Variants in SNX10 observed in about 807,000 individuals in gnomAD.
The protein encoded by SNX10 is sorting nexin 10.
A neutral mutation model predicts 28.5 loss-of-function variants in SNX10; 25 were observed. The observed-to-expected ratio is 0.88, with a 90% CI of 0.64 to 1.22. The LOEUF (loss-of-function observed/expected upper bound fraction) is 1.22, where lower values mean the gene tolerates loss of function less well. SNX10 is among the 50% of genes most tolerant of loss of function. The probability of loss-of-function intolerance (pLI) is 0.00; values close to 1 mark genes in which losing one functional copy is unlikely to be tolerated. For synonymous variants in SNX10, 62 were observed against 81.4 expected (o/e 0.76, Z 1.28); for missense variants, 223 against 242.6 (o/e 0.92, Z 0.54).
intron 1 of SNX10, among the ~76,000 whole-genome samples, chr7:26,305,395 G>A (rs953506933): frequency 6.6e-6 from 1 of 152,222 alleles, no homozygotes; most frequent in African/African-American, 2.4e-5. Context: ...CTATCACACT[G>A]TAATTATCTT....
At chr7:26,296,651 T>C (rs1296826484) in intron 1 of SNX10, among the ~76,000 whole-genome samples, 17 of 152,196 alleles carry the variant, frequency 1.1e-4, no homozygotes, top group Admixed American at 1.1e-3. Context: ...GAAAATAGAT[T>C]TGTACTTGTA....
intron 1 of SNX10, among the ~76,000 whole-genome samples, chr7:26,330,193 C>A (rs1168927445): frequency 6.9e-6 from 1 of 143,912 alleles, no homozygotes; most frequent in African/African-American, 2.5e-5. Flanking sequence ...TACTCATGAT[C>A]AAGGCCCTCC....
chr7:26,310,414 A>G (rs945013093), intron 1 of SNX10, among the ~76,000 whole-genome samples: 3 of 152,238 alleles, frequency 2.0e-5, no homozygotes, highest in Non-Finnish European at 2.9e-5. Context: ...TTCAGAGGAC[A>G]TATAATCCTC....
intron 2 of SNX10, among the ~76,000 whole-genome samples, chr7:26,358,177 TTGAG>T (rs1159077584): frequency 1.3e-5 from 2 of 151,674 alleles, no homozygotes; most frequent in Non-Finnish European, 2.9e-5. Flanking sequence ...GCAATGAATT[TTGAG>T]TGTGCATTTA....
chr7:26,360,333 G>C (rs935607111), intron 2 of SNX10: 1 of 152,440 alleles, frequency 6.6e-6, no homozygotes, highest in African/African-American at 2.4e-5. Flanking sequence ...GCTCACTGTA[G>C]CCTTGACCTC....
intron 3 of SNX10, among the ~76,000 whole-genome samples, chr7:26,362,445 T>TC (rs1218030646): frequency 6.6e-6 from 1 of 152,198 alleles, no homozygotes; most frequent in Admixed American, 6.5e-5. Context: ...TTCAGAAATC[T>TC]CCATCTGGAG....
chr7:26,324,261 G>A lies in SNX10; in HGVS notation c.-23-22159G>A, dbSNP rs183045558. ...TTATGATTATATCAATTAAAAAAAT[G>A]TGTGTGAGAAAAAAACCGTAAGGAA... On this transcript the variant is annotated intron_variant, in intron 1 of 6. Coordinates refer to ENST00000338523, the MANE Select transcript of SNX10 (RefSeq NM_013322.3). Among the ~76,000 whole-genome samples the A allele has an allele frequency of 3.5e-3, 477 of 135,774 alleles. 3 individuals carry two copies. Among genetic ancestry groups the A allele is most frequent in the Middle Eastern group, 0.012 (3 of 246 alleles). The allele number at this position is 135,774 out of a possible 152,430, so 89.1% of individuals were successfully genotyped here.
At position 26,368,532 on chromosome 7, in the gene SNX10, T is replaced by G. The variant is rs558506494; in HGVS notation, c.312-3289T>G. 4.6e-5 allele frequency among the ~76,000 whole-genome samples: 7 copies of G among 152,360 alleles called. No individual in the cohort carries two copies. In the East Asian group the frequency reaches 1.3e-3, roughly 29 times the overall value. On this transcript the variant is annotated intron_variant, in intron 5 of 6. Transcript: ENST00000338523. ...TTTTCAATTTAGGTTTGAATAGATT[T>G]GTTCATGACTGGGAGCCGCTTCCCT...
chr7:26,318,597 A>G (rs1787184549), intron 1 of SNX10, among the ~76,000 whole-genome samples: 1 of 152,078 alleles, frequency 6.6e-6, no homozygotes, highest in South Asian at 2.1e-4. Flanking sequence ...CCTCCCGGGT[A>G]GCTGGGATTA....
intron 2 of SNX10, among the ~76,000 whole-genome samples, chr7:26,351,646 G>GT (rs982361856): frequency 0.022 from 2,523 of 112,388 alleles, 165 homozygotes; most frequent in African/African-American, 0.054. Flanking sequence ...AAGCAGTCTG[G>GT]TTTTTTTTTT....
At chr7:26,360,057 A>G (rs1212922495) in intron 2 of SNX10, among the ~76,000 whole-genome samples, 5 of 152,248 alleles carry the variant, frequency 3.3e-5, no homozygotes, top group African/African-American at 4.8e-5. Flanking sequence ...ACTTCTATGT[A>G]TAACACAAAG....
intron 1 of SNX10, among the ~76,000 whole-genome samples, chr7:26,318,021 T>C: frequency 6.6e-6 from 1 of 152,144 alleles, no homozygotes; most frequent in East Asian, 1.9e-4. Context: ...GAAAGGCCTT[T>C]ATGGGACTGT....
chr7:26,299,417 C>A (rs571697230), intron 1 of SNX10, among the ~76,000 whole-genome samples: 1 of 151,640 alleles, frequency 6.6e-6, no homozygotes, highest in African/African-American at 2.4e-5. Context: ...GCTGGTGGAC[C>A]TTGTGATCCA....
intron 1 of SNX10, among the ~76,000 whole-genome samples, chr7:26,313,658 C>A (rs1365487154): frequency 1.3e-5 from 2 of 151,932 alleles, no homozygotes; most frequent in Non-Finnish European, 2.9e-5. Context: ...GTAAGAAAAC[C>A]CCACCCCCTG....
At chr7:26,327,993 A>G (rs1049370573) in intron 1 of SNX10, among the ~76,000 whole-genome samples, 3 of 151,914 alleles carry the variant, frequency 2.0e-5, no homozygotes, top group Non-Finnish European at 2.9e-5. Context: ...CAGCCTCCCA[A>G]AGTGCTGGGA....
intron 5 of SNX10, 73 bp from the exon 6 acceptor site, chr7:26,371,748 A>T: frequency 9.5e-7 from 1 of 1,048,668 alleles, no homozygotes; most frequent in Non-Finnish European, 1.4e-6. Flanking sequence ...TACTTTTCTA[A>T]TGTTTTTCTT....
At chr7:26,341,980 T>C (rs79835696) in intron 1 of SNX10, among the ~76,000 whole-genome samples, 127 of 103,114 alleles carry the variant, frequency 1.2e-3, no homozygotes, top group African/African-American at 3.6e-3. Flanking sequence ...TTTCTCTTCT[T>C]TCTCTCTCTC....
chr7:26,361,578 C>T (rs954700705), intron 3 of SNX10, among the ~76,000 whole-genome samples: 16 of 152,260 alleles, frequency 1.1e-4, no homozygotes, highest in Non-Finnish European at 1.8e-4. Flanking sequence ...ATGTGCCTTG[C>T]GTGGATGCTA....
chr7:26,318,711 T>A (rs570535214), intron 1 of SNX10, among the ~76,000 whole-genome samples: 1 of 152,328 alleles, frequency 6.6e-6, no homozygotes, highest in East Asian at 1.9e-4. Context: ...ACTCAAGTGA[T>A]CTGTTTGCCT....
Sources: allele counts gnomAD v4.1 joint callset (sites outside exome capture counted in the v4.1 genomes callset), GRCh38; gene constraint gnomAD v4.1.1; transcripts MANE v1.5; gene names NCBI Gene and HGNC (gene_info 2026-07-23, HGNC 2026-07-21).